Variants in FAM168B observed in about 807,000 individuals in gnomAD.
FAM168B encodes the protein myelin-associated neurite-outgrowth inhibitor.
A neutral mutation model predicts 21.8 loss-of-function variants in FAM168B; 19 were observed. That is an observed-to-expected ratio of 0.87 (90% confidence interval 0.61 to 1.28). FAM168B has a LOEUF of 1.28. Ranked by LOEUF, FAM168B falls within the 50% of genes most tolerant of loss-of-function variation. The probability of loss-of-function intolerance (pLI) is 0.00; values close to 1 mark genes in which losing one functional copy is unlikely to be tolerated. For synonymous variants in FAM168B, 126 were observed against 104.8 expected, an observed-to-expected ratio of 1.20 and a Z score of -1.24; for missense variants, 233 against 263.1, an observed-to-expected ratio of 0.89 and a Z score of 0.79.
intron 3 of FAM168B, among the ~76,000 whole-genome samples, chr2:131,065,498 G>GA (rs372780971): frequency 2.6e-5 from 4 of 151,952 alleles, no homozygotes; most frequent in African/African-American, 9.7e-5. Flanking sequence ...AGTTCAAAAA[G>GA]AAAAGAAACG....
chr2:131,064,956 A>T (rs1692481502), intron 3 of FAM168B, among the ~76,000 whole-genome samples: 1 of 152,242 alleles, frequency 6.6e-6, no homozygotes, highest in South Asian at 2.1e-4. Flanking sequence ...AGATAAGTAC[A>T]GTATTAATTC....
chr2:131,058,128 A>G (rs544426715), intron 3 of FAM168B, among the ~76,000 whole-genome samples: 97 of 152,282 alleles, frequency 6.4e-4, no homozygotes, highest in Admixed American at 1.1e-3. Context: ...CTGTATATAT[A>G]TATGTGCCTG....
intron 2 of FAM168B, among the ~76,000 whole-genome samples, chr2:131,079,756 C>T (rs1244011225): frequency 6.6e-6 from 1 of 152,072 alleles, no homozygotes; most frequent in African/African-American, 2.4e-5. Flanking sequence ...CAAAAGAATG[C>T]CTCAAAAGAA....
intron 1 of FAM168B, among the ~76,000 whole-genome samples, chr2:131,087,512 A>G (rs1190731241): frequency 2.6e-5 from 4 of 152,212 alleles, no homozygotes; most frequent in Non-Finnish European, 4.4e-5. Flanking sequence ...AGCATTTCCA[A>G]TAAACAATGG....
rs1194834327 is a variant in FAM168B at position 131,050,161 on chromosome 2, T to C, written c.*2304A>G. On this transcript the variant is annotated 3_prime_UTR_variant, in exon 7 of 7. Transcript: ENST00000389915. Reference sequence around the variant, plus strand: ...GTGCAGCCCACTCTTTAAAACACCATCCTGTGTGTGCCAAGTACCAAGCAA... The same window carrying C: ...GTGCAGCCCACTCTTTAAAACACCACCCTGTGTGTGCCAAGTACCAAGCAA... 3 of 985,330 alleles carry C rather than the reference T, an allele frequency of 3.0e-6. No homozygotes were observed. 61.0% of individuals were successfully genotyped at this position (985,330 alleles called of 1,614,324 possible). A position where few individuals can be genotyped will look rare whatever the true frequency, so the allele number is the denominator to read the frequency against.
At position 131,055,630 on chromosome 2, in the gene FAM168B, A is replaced by G; in HGVS notation, c.220T>C (p.Ser74Pro). The G allele has an allele frequency of 6.2e-7, 1 of 1,612,750 alleles. No individual in the cohort carries two copies. The highest frequency in any genetic ancestry group is 8.5e-7 in the Non-Finnish European group (1 of 1,179,354). The change falls in exon 4 of 7, where the codon TCC (serine) becomes CCC (proline). Residue 74 changes from serine (S) to proline (P), a missense_variant. Coordinates refer to ENST00000389915, the MANE Select transcript of FAM168B (RefSeq NM_001009993.4). ...GTCTGGTAGGGGTTCGGGGAGGAGG[A>G]GTACGGTGGCACAGCCCCGCTGGTG... The part of the protein sequence containing the change: ...SPTSGAVPPY[S>P]SSPNPYQTAV...
At chr2:131,063,481 T>A (rs1692404780) in intron 3 of FAM168B, among the ~76,000 whole-genome samples, 1 of 152,198 alleles carries the variant, frequency 6.6e-6, no homozygotes, top group African/African-American at 2.4e-5. Context: ...CCCTATCAAT[T>A]TAAGACTTAG....
Position 131,071,836 on chromosome 2 carries a change from TTTAC to T in FAM168B, c.154+15_154+18del. 1 of 1,611,708 alleles carries T rather than the reference TTTAC, an allele frequency of 6.2e-7. No homozygotes were observed. Among genetic ancestry groups the T allele is most frequent in the East Asian group, 2.2e-5 (1 of 44,860 alleles). Reference sequence around the variant, plus strand: ...TCTCCCAGCTGTACGTACAAAGCATTTTACCACCCAGCACATACCTGTTTGGAAG... The same window carrying T: ...TCTCCCAGCTGTACGTACAAAGCATTCACCCAGCACATACCTGTTTGGAAG... On this transcript the variant is annotated intron_variant, in intron 3 of 6. Coordinates refer to ENST00000389915, the MANE Select transcript of FAM168B (RefSeq NM_001009993.4).
intron 3 of FAM168B, among the ~76,000 whole-genome samples, chr2:131,062,234 C>T (rs1692339001): frequency 6.6e-6 from 1 of 152,150 alleles, no homozygotes; most frequent in Non-Finnish European, 1.5e-5. Context: ...CTGAGAACAC[C>T]TCTCTCCAAA....
Position 131,049,114 on chromosome 2 carries a change from C to A in FAM168B, c.*3351G>T. 1.0e-6 allele frequency: 1 copy of A among 985,436 alleles called. No individual in the cohort carries two copies. Among genetic ancestry groups the A allele is most frequent in the South Asian group, 4.7e-5 (1 of 21,282 alleles). 61.0% of individuals were successfully genotyped at this position (985,436 alleles called of 1,614,324 possible). A position where few individuals can be genotyped will look rare whatever the true frequency, so the allele number is the denominator to read the frequency against. Reference sequence around the variant, plus strand: ...AGGTGCCTTACATACCTTACGGGGGCCAACACTGACAGGTATTAGTACGTC... The same window carrying A: ...AGGTGCCTTACATACCTTACGGGGGACAACACTGACAGGTATTAGTACGTC... On this transcript the variant is annotated 3_prime_UTR_variant, in exon 7 of 7. Coordinates refer to ENST00000389915, the MANE Select transcript of FAM168B (RefSeq NM_001009993.4).
At position 131,051,966 on chromosome 2, in the gene FAM168B, T is replaced by C; in HGVS notation, c.*499A>G. 2.0e-6 allele frequency: 2 copies of C among 985,560 alleles called. No homozygotes were observed. Among genetic ancestry groups the C allele is most frequent in the Non-Finnish European group, 2.4e-6 (2 of 829,932 alleles). The allele number at this position is 985,560 out of a possible 1,614,324, so 61.1% of individuals were successfully genotyped here. A position where few individuals can be genotyped will look rare whatever the true frequency, so the allele number is the denominator to read the frequency against. ...GCAACCCACATCAACCCCAAAAGGT[T>C]GAAGAATCATCTAAGATATTTCAGA... On this transcript the variant is annotated 3_prime_UTR_variant, in exon 7 of 7. Transcript: ENST00000389915.
intron 2 of FAM168B, 85 bp from the exon 3 acceptor site, chr2:131,072,023 T>C: frequency 8.1e-7 from 1 of 1,227,972 alleles, no homozygotes; most frequent in Non-Finnish European, 1.2e-6. Flanking sequence ...CGCTCTTACC[T>C]TCTTCCCCAG....
chr2:131,092,511 T>C (rs1573838820), intron 1 of FAM168B, among the ~76,000 whole-genome samples: 1 of 152,352 alleles, frequency 6.6e-6, no homozygotes, highest in South Asian at 2.1e-4. Context: ...GGAAACTATA[T>C]AAACCTTTTT....
chr2:131,080,046 G>C (rs958495829), intron 2 of FAM168B, among the ~76,000 whole-genome samples: 1 of 151,946 alleles, frequency 6.6e-6, no homozygotes, highest in Non-Finnish European at 1.5e-5. Flanking sequence ...GAACGCGGGA[G>C]GCAGAGGTTG....
At chr2:131,058,407 G>T (rs573661587) in intron 3 of FAM168B, among the ~76,000 whole-genome samples, 1 of 152,162 alleles carries the variant, frequency 6.6e-6, no homozygotes, top group Non-Finnish European at 1.5e-5. Context: ...ATCTGCAGCA[G>T]ACCAAACAAC....
intron 1 of FAM168B, among the ~76,000 whole-genome samples, chr2:131,087,474 A>C (rs1693771939): frequency 6.6e-6 from 1 of 152,194 alleles, no homozygotes. Flanking sequence ...TCCGTCTCAA[A>C]AAATAGTAAT....
At chr2:131,062,347 G>A (rs1006917479) in intron 3 of FAM168B, among the ~76,000 whole-genome samples, 3 of 152,180 alleles carry the variant, frequency 2.0e-5, no homozygotes, top group Non-Finnish European at 4.4e-5. Context: ...CACAGTCGAG[G>A]GGCCCACCTA....
rs746625995 is a variant in FAM168B, at chr2:131,049,570, A to G, written c.*2895T>C. The stretch of plus-strand genomic sequence containing the variant: ...CTCAGCCGCCAGCACAGATCCAAAC[A>G]AGACCTCCATGAGCAGAGAAACTGC... On this transcript the variant is annotated 3_prime_UTR_variant, in exon 7 of 7. Coordinates refer to ENST00000389915, the MANE Select transcript of FAM168B (RefSeq NM_001009993.4). The G allele has an allele frequency of 8.1e-6, 8 of 985,314 alleles. No individual in the cohort carries two copies. Among genetic ancestry groups the G allele is most frequent in the Admixed American group, 6.1e-5 (1 of 16,262 alleles). The allele number at this position is 985,314 out of a possible 1,614,324, so 61.0% of individuals were successfully genotyped here.
rs1691437700 is a variant in FAM168B, at chr2:131,048,530, AG to A, written c.*3934del. On this transcript the variant is annotated 3_prime_UTR_variant, in exon 7 of 7. Transcript: ENST00000389915. ...GCTCTCTCTTCTTCAAATAATGAGT[AG>A]GAAAAAGAGACAAACTTTCTGAAAC... The A allele has an allele frequency of 8.9e-7, 1 of 1,120,766 alleles. No individual in the cohort carries two copies. The allele number at this position is 1,120,766 out of a possible 1,614,324, so 69.4% of individuals were successfully genotyped here.
Sources: allele counts gnomAD v4.1 joint callset (sites outside exome capture counted in the v4.1 genomes callset), GRCh38; gene constraint gnomAD v4.1.1; transcripts MANE v1.5; gene names NCBI Gene and HGNC (gene_info 2026-07-23, HGNC 2026-07-21).